The following ATP13A4 variants were observed in gnomAD, a reference collection of about 807,000 sequenced individuals.
ATP13A4 encodes the protein ATPase 13A4.
A neutral mutation model predicts 142.5 loss-of-function variants in ATP13A4; 114 were observed. The observed-to-expected ratio is 0.80, with a 90% CI of 0.69 to 0.93. ATP13A4 has a LOEUF of 0.93. Ranked by LOEUF, ATP13A4 falls within the 40% of genes least tolerant of loss-of-function variation. ATP13A4 has a pLI of 0.00. For synonymous variants in ATP13A4, 488 were observed against 514.8 expected (o/e 0.95, Z 0.70); for missense variants, 1,392 against 1,454.0 (o/e 0.96, Z 0.69).
chr3:193,414,576 T>A lies in ATP13A4; in HGVS notation c.3014+3A>T. 1 of 1,613,482 alleles carries A rather than the reference T, an allele frequency of 6.2e-7. No individual in the cohort carries two copies. The highest frequency in any genetic ancestry group is 8.5e-7 in the Non-Finnish European group (1 of 1,179,472). ...GAAGCAGAAGCTGAGACTATACTCA[T>A]ACCTGTGTATCTCCACGGAATACCA... On this transcript the variant is annotated splice_donor_region_variant and intron_variant, in intron 26 of 29. Transcript: ENST00000342695.
intron 7 of ATP13A4, among the ~76,000 whole-genome samples, chr3:193,485,298 C>T (rs772603914): frequency 6.6e-6 from 1 of 151,450 alleles, no homozygotes; most frequent in Non-Finnish European, 1.5e-5. Context: ...ACAGGTAGAG[C>T]AGCAGTTACA....
At chr3:193,488,572 A>G (rs1719769035) in intron 7 of ATP13A4, among the ~76,000 whole-genome samples, 1 of 152,190 alleles carries the variant, frequency 6.6e-6, no homozygotes, top group Non-Finnish European at 1.5e-5. Flanking sequence ...AAAATGATCT[A>G]TGGGCTTTGG....
rs778070891 is a variant in ATP13A4 at position 193,459,116 on chromosome 3, G to T, written c.1639C>A (p.Pro547Thr). ...ILLDGTIQGD[P>T]LDLKMFEATT... ...GCTTCAAACATTTTGAGGTCCAGAG[G>T]GTCTCCCTGGATGGTCCCATCAAGA... The change falls in exon 14 of 30, where the codon CCT (proline) becomes ACT (threonine). Residue 547 changes from proline to threonine, a missense_variant. Transcript: ENST00000342695. 6.2e-7 allele frequency: 1 copy of T among 1,614,204 alleles called. No homozygotes were observed. Among genetic ancestry groups the T allele is most frequent in the Non-Finnish European group, 8.5e-7 (1 of 1,180,026 alleles).
At chr3:193,532,044 T>C (rs1350203395) in intron 1 of ATP13A4, among the ~76,000 whole-genome samples, 3 of 152,100 alleles carry the variant, frequency 2.0e-5, no homozygotes, top group African/African-American at 7.2e-5. Context: ...ACCATATGCA[T>C]GAGAATCACA....
intron 2 of ATP13A4, among the ~76,000 whole-genome samples, chr3:193,563,503 T>C (rs1724061990): frequency 6.6e-6 from 1 of 152,214 alleles, no homozygotes; most frequent in Non-Finnish European, 1.5e-5. Context: ...ACTGATTTCA[T>C]CCACTTTAGC....
chr3:193,476,921 T>C lies in ATP13A4; in HGVS notation c.809-5928A>G, dbSNP rs185627632. ...ACTGATCACAGATTGCCTTAACAGA[T>C]ATAATCACAACGAAAAAGTCTTAAG... On this transcript the variant is annotated intron_variant, in intron 8 of 29. Transcript: ENST00000342695. Among the ~76,000 whole-genome samples, 380 of 152,150 alleles carry C rather than the reference T, an allele frequency of 2.5e-3. 3 individuals are homozygous for C. Among genetic ancestry groups the C allele is most frequent in the African/African-American group, 5.7e-3 (238 of 41,450 alleles).
chr3:193,411,171 T>C (rs1714748708), intron 27 of ATP13A4, 101 bp from the exon 28 acceptor site: 2 of 835,682 alleles, frequency 2.4e-6, no homozygotes, highest in East Asian at 2.5e-5. Flanking sequence ...TTTAATTTAC[T>C]TGATTTCTAC....
chr3:193,514,814 T>C lies in ATP13A4; in HGVS notation c.118A>G (p.Ile40Val), dbSNP rs1252203770. ...AAGGGGAGGATTCCAAATGAGAAGA[T>C]GGATCCGGCAAGGCAGAGACTTTTC... is the stretch of plus-strand genomic sequence containing the variant. ...CRKSLCLAGS[I>V]FSFGILPLVF... The change falls in exon 2 of 30, where the codon ATC becomes GTC. Residue 40 changes from isoleucine to valine, a missense_variant. Physicochemically the swap from Ile to Val is conservative, Grantham distance 29. Coordinates refer to ENST00000342695, the MANE Select transcript of ATP13A4 (RefSeq NM_032279.4). 6.2e-7 allele frequency: 1 copy of C among 1,614,222 alleles called. No individual in the cohort carries two copies. Among genetic ancestry groups the C allele is most frequent in the Admixed American group, 1.7e-5 (1 of 60,026 alleles).
chr3:193,528,169 G>A (rs541391385), intron 1 of ATP13A4, among the ~76,000 whole-genome samples: 43 of 152,298 alleles, frequency 2.8e-4, no homozygotes, highest in Admixed American at 1.1e-3. Context: ...CTGTCAGAGC[G>A]TCCTCTGGGA....
intron 25 of ATP13A4, among the ~76,000 whole-genome samples, chr3:193,420,137 A>G (rs1715333697): frequency 6.7e-6 from 1 of 149,750 alleles, no homozygotes; most frequent in African/African-American, 2.5e-5. Flanking sequence ...CAGCCTCTCT[A>G]AGGTCTCCCT....
rs1242133395 is a variant in ATP13A4, at chr3:193,401,436, T to C, written c.*1216A>G. ...GTTGTGTAAGAACTCCCATCAATAG[T>C]GCCATATAATGCTGTAGCATGAGAC... On this transcript the variant is annotated 3_prime_UTR_variant, in exon 30 of 30. Transcript: ENST00000342695. Among the ~76,000 whole-genome samples the C allele has an allele frequency of 2.6e-5, 4 of 152,126 alleles. No individual in the cohort carries two copies. The highest frequency in any genetic ancestry group is 2.0e-4 in the Admixed American group (3 of 15,276).
Position 193,492,984 on chromosome 3 carries a change from AGT to A in ATP13A4, c.464_465del (p.Asp155ValfsTer3). The A allele has an allele frequency of 6.2e-7, 1 of 1,609,876 alleles. No individual in the cohort carries two copies. The highest frequency in any genetic ancestry group is 8.5e-7 in the Non-Finnish European group (1 of 1,176,874). On this transcript the variant is annotated frameshift_variant, in exon 5 of 30. Transcript: ENST00000342695. LOFTEE classifies it high-confidence loss of function. ...GQFQKIGSLE[D>X]WLSSAKIHQK... Reference sequence around the variant, plus strand: ...TGATGTATCTTGGCAGAACTAAGCCAGTCTTCCAAAGAACTAAAATAATAATA... The same window carrying A: ...TGATGTATCTTGGCAGAACTAAGCCACTTCCAAAGAACTAAAATAATAATA...
intron 10 of ATP13A4, among the ~76,000 whole-genome samples, chr3:193,466,964 G>A (rs928148208): frequency 1.3e-4 from 19 of 151,994 alleles, no homozygotes; most frequent in African/African-American, 4.6e-4. Flanking sequence ...GAATGAATAA[G>A]ATCTACTATT....
chr3:193,547,399 T>C lies in ATP13A4; in HGVS notation c.60+7341A>G, dbSNP rs572854766. On this transcript the variant is annotated intron_variant, in intron 1 of 29. Transcript: ENST00000342695. ...ATTCTGACCAAATCCAGCTCCACCA[T>C]CAAAGATTCTAATTCAGTAGGTCTA... Among the ~76,000 whole-genome samples the C allele has an allele frequency of 2.0e-4, 30 of 152,350 alleles. 1 individual carries two copies. In the East Asian group the frequency reaches 5.6e-3, roughly 28 times the overall value.
intron 16 of ATP13A4, among the ~76,000 whole-genome samples, chr3:193,455,870 G>C (rs756620488): frequency 5.1e-4 from 78 of 152,326 alleles, no homozygotes; most frequent in Non-Finnish European, 8.7e-4. Context: ...AAAAGAATGA[G>C]ATCATGTCCT....
intron 3 of ATP13A4, among the ~76,000 whole-genome samples, chr3:193,493,841 C>A (rs1720079331): frequency 6.6e-6 from 1 of 151,926 alleles, no homozygotes; most frequent in Non-Finnish European, 1.5e-5. Flanking sequence ...AAAGCAGTGC[C>A]CAGTCATTTT....
intron 17 of ATP13A4, among the ~76,000 whole-genome samples, chr3:193,453,640 T>C (rs889634989): frequency 1.3e-5 from 2 of 152,204 alleles, no homozygotes; most frequent in African/African-American, 4.8e-5. Context: ...GATTATATCA[T>C]CTAAGCTGTA....
intron 29 of ATP13A4, among the ~76,000 whole-genome samples, chr3:193,404,368 G>A (rs187669126): frequency 6.6e-6 from 1 of 152,206 alleles, no homozygotes; most frequent in East Asian, 1.9e-4. Flanking sequence ...TTGCTGCTCT[G>A]GAAGAGGAAA....
intron 2 of ATP13A4, among the ~76,000 whole-genome samples, chr3:193,569,779 C>T (rs1412112433): frequency 6.6e-6 from 1 of 152,036 alleles, no homozygotes; most frequent in Non-Finnish European, 1.5e-5. Flanking sequence ...AAGCAATCCT[C>T]CCACCGCAGG....
Sources: gnomAD v4.1 joint callset for allele counts (sites outside exome capture counted in the v4.1 genomes callset) on GRCh38, gnomAD v4.1.1 for gene constraint, MANE v1.5 for transcripts, NCBI Gene and HGNC (gene_info 2026-07-23, HGNC 2026-07-21) for gene names.